The following CCDC178 variants were observed in gnomAD, a reference collection of about 807,000 sequenced individuals.
CCDC178 encodes the protein coiled-coil domain containing 178.
A neutral mutation model predicts 117.4 loss-of-function variants in CCDC178; 126 were observed. The observed-to-expected ratio is 1.07, with a 90% CI of 0.93 to 1.24. The LOEUF (loss-of-function observed/expected upper bound fraction) is 1.24. Among genes scored for constraint, CCDC178 ranks in the 50% most tolerant of loss-of-function variants. The pLI is 0.00. For missense variants in CCDC178, 1,030 were observed against 986.9 expected (o/e 1.04, Z -0.59); for synonymous variants, 283 against 313.4 (o/e 0.90, Z 1.02).
Position 33,333,255 on chromosome 18 carries a change from C to G in CCDC178, c.798G>C (p.Met266Ile). The change falls in exon 10 of 23, where the codon ATG becomes ATC. Residue 266 changes from methionine to isoleucine, a missense_variant. By Grantham distance (10) the Met-to-Ile change is conservative (BLOSUM62 1). Coordinates refer to ENST00000383096, the MANE Select transcript of CCDC178 (RefSeq NM_001105528.4). ...AGTCCAGTAGAGGGCCATGTTCATT[C>G]ATGTAGTCTATGTCTGCTTGAATCT... ...NAKIQADIDYMNEHGPLLDSK... is the reference protein window; with the variant it reads ...NAKIQADIDYINEHGPLLDSK... The G allele has an allele frequency of 6.2e-7, 1 of 1,613,058 alleles. No individual in the cohort carries two copies. Among genetic ancestry groups the G allele is most frequent in the East Asian group, 2.2e-5 (1 of 44,742 alleles).
intron 18 of CCDC178, among the ~76,000 whole-genome samples, chr18:33,221,411 G>C (rs73959111): frequency 6.6e-6 from 1 of 152,090 alleles, no homozygotes; most frequent in South Asian, 2.1e-4. Flanking sequence ...GAAAGAGATA[G>C]ATGGACATGA....
chr18:33,081,809 A>T (rs749725782), intron 21 of CCDC178, among the ~76,000 whole-genome samples: 1 of 152,320 alleles, frequency 6.6e-6, no homozygotes, highest in East Asian at 1.9e-4. Flanking sequence ...TTCTCAGATA[A>T]TGTATTGCCT....
intron 5 of CCDC178, among the ~76,000 whole-genome samples, chr18:33,374,950 G>A (rs1455673424): frequency 6.6e-6 from 1 of 152,152 alleles, no homozygotes; most frequent in East Asian, 1.9e-4. Context: ...TTGTGGGAGT[G>A]AGTTAAAGTA....
At chr18:33,402,374 T>C (rs2063720351) in intron 3 of CCDC178, among the ~76,000 whole-genome samples, 1 of 152,220 alleles carries the variant, frequency 6.6e-6, no homozygotes, top group Admixed American at 6.5e-5. Context: ...TTAACTTTCC[T>C]TGGTCCCAGC....
intron 21 of CCDC178, among the ~76,000 whole-genome samples, chr18:33,083,180 A>G (rs531792020): frequency 6.6e-6 from 1 of 152,200 alleles, no homozygotes; most frequent in African/African-American, 2.4e-5. Context: ...ACAGATCAGG[A>G]ACCACAGGCT....
At chr18:33,349,195 C>G (rs967882699) in intron 7 of CCDC178, among the ~76,000 whole-genome samples, 1 of 151,588 alleles carries the variant, frequency 6.6e-6, no homozygotes, top group South Asian at 2.1e-4. Context: ...ACAAATGACC[C>G]AAAATGTCTT....
intron 21 of CCDC178, among the ~76,000 whole-genome samples, chr18:32,994,083 A>T (rs1271486113): frequency 1.3e-5 from 2 of 152,050 alleles, no homozygotes; most frequent in Non-Finnish European, 2.9e-5. Flanking sequence ...TCCTAATATT[A>T]TCTCTAAAAA....
intron 18 of CCDC178, among the ~76,000 whole-genome samples, chr18:33,219,666 A>G (rs1686852992): frequency 6.6e-6 from 1 of 152,104 alleles, no homozygotes; most frequent in East Asian, 1.9e-4. Flanking sequence ...TCAGCAAACT[A>G]TCACAAGGAC....
intron 11 of CCDC178, among the ~76,000 whole-genome samples, chr18:33,318,607 G>C (rs1480171761): frequency 1.3e-5 from 2 of 152,138 alleles, no homozygotes; most frequent in African/African-American, 2.4e-5. Context: ...CAAGGAAATT[G>C]TTTGAAAAGA....
intron 20 of CCDC178, among the ~76,000 whole-genome samples, chr18:33,166,659 T>C (rs2058533932): frequency 6.6e-6 from 1 of 152,198 alleles, no homozygotes; most frequent in African/African-American, 2.4e-5. Context: ...CCCCATCATC[T>C]TTCTATCAGT....
chr18:33,432,137 A>G (rs778606000), intron 2 of CCDC178, among the ~76,000 whole-genome samples: 3 of 152,108 alleles, frequency 2.0e-5, no homozygotes, highest in Admixed American at 6.5e-5. Flanking sequence ...AAAGGCTGGT[A>G]CTCTCAATGG....
At chr18:33,110,498 G>A (rs1403656744) in intron 20 of CCDC178, among the ~76,000 whole-genome samples, 1 of 151,484 alleles carries the variant, frequency 6.6e-6, no homozygotes, top group Admixed American at 6.6e-5. Flanking sequence ...TGTTCTCACA[G>A]GTTTTTCCCT....
chr18:33,400,096 A>ATTT (rs34890018), intron 3 of CCDC178, among the ~76,000 whole-genome samples: 4 of 137,722 alleles, frequency 2.9e-5, no homozygotes, highest in Non-Finnish European at 4.7e-5. Flanking sequence ...TTTTAAAGAA[A>ATTT]TTTTTTTTTT....
chr18:33,328,101 T>C (rs769743287), intron 10 of CCDC178: 10 of 182,648 alleles, frequency 5.5e-5, no homozygotes, highest in African/African-American at 5.0e-4. Flanking sequence ...TTTTTTTTTT[T>C]TTTTTTTTTT....
chr18:33,199,767 G>A (rs555418986), intron 20 of CCDC178, among the ~76,000 whole-genome samples: 3 of 152,090 alleles, frequency 2.0e-5, no homozygotes, highest in African/African-American at 7.2e-5. Flanking sequence ...CTGATGCAAT[G>A]CATATGCTTA....
intron 15 of CCDC178, among the ~76,000 whole-genome samples, chr18:33,237,654 C>T (rs1182348741): frequency 1.3e-5 from 2 of 152,178 alleles, no homozygotes; most frequent in Non-Finnish European, 2.9e-5. Context: ...AAACACAACT[C>T]CAGGCCAGCG....
chr18:32,975,675 G>A (rs1191534941), intron 21 of CCDC178, among the ~76,000 whole-genome samples: 1 of 151,832 alleles, frequency 6.6e-6, no homozygotes, highest in African/African-American at 2.4e-5. Flanking sequence ...GAAAACTCTT[G>A]GTTTTGGGGA....
chr18:33,135,815 G>A (rs148634707), intron 20 of CCDC178, among the ~76,000 whole-genome samples: 104 of 152,200 alleles, frequency 6.8e-4, no homozygotes, highest in Middle Eastern at 3.4e-3. Context: ...CATTTACCCC[G>A]TGTGACAGAC....
chr18:33,076,310 T>A (rs1052204280), intron 21 of CCDC178, among the ~76,000 whole-genome samples: 2 of 152,152 alleles, frequency 1.3e-5, no homozygotes, highest in East Asian at 1.9e-4. Context: ...AAAGATCCCA[T>A]CCACGTTAGC....
Sources: allele counts gnomAD v4.1 joint callset (sites outside exome capture counted in the v4.1 genomes callset), GRCh38; gene constraint gnomAD v4.1.1; transcripts MANE v1.5; gene names NCBI Gene and HGNC (gene_info 2026-07-23, HGNC 2026-07-21).